The following FILIP1 variants were observed in gnomAD, a reference collection of about 807,000 sequenced individuals.
FILIP1 encodes the protein filamin A interacting protein 1, also known as filamin-A-interacting protein 1.
Under a neutral mutation model 102.1 loss-of-function variants are expected in FILIP1, and 61 were observed. That is an observed-to-expected ratio of 0.60 (90% CI 0.49 to 0.74). The LOEUF (loss-of-function observed/expected upper bound fraction) is 0.74. Among genes scored for constraint, FILIP1 ranks in the 30% least tolerant of loss-of-function variants. FILIP1 has a pLI of 0.00. For missense variants in FILIP1, 1,314 were observed against 1,441.2 expected (o/e 0.91, Z 1.43); for synonymous variants, 491 against 526.9 (o/e 0.93, Z 0.93).
chr6:75,419,203 C>T (rs1258766804), intron 1 of FILIP1, among the ~76,000 whole-genome samples: 1 of 152,122 alleles, frequency 6.6e-6, no homozygotes, highest in African/African-American at 2.4e-5. Flanking sequence ...TCTTGCAAAT[C>T]TTGACCTTGA....
At chr6:75,373,519 G>T (rs1775645235) in intron 2 of FILIP1, among the ~76,000 whole-genome samples, 1 of 151,780 alleles carries the variant, frequency 6.6e-6, no homozygotes, top group South Asian at 2.1e-4. Context: ...TGTCTAGCCT[G>T]GTCTTGAGCT....
At chr6:75,355,761 G>A (rs1774972882) in intron 3 of FILIP1, among the ~76,000 whole-genome samples, 1 of 152,144 alleles carries the variant, frequency 6.6e-6, no homozygotes, top group African/African-American at 2.4e-5. Context: ...AGTCCCTGGT[G>A]CTGAGCACAG....
intron 6 of FILIP1, among the ~76,000 whole-genome samples, chr6:75,302,480 G>A (rs1772865375): frequency 6.6e-6 from 1 of 152,136 alleles, no homozygotes; most frequent in Non-Finnish European, 1.5e-5. Flanking sequence ...AAACCCCAGG[G>A]TAGATTCTGA....
chr6:75,335,962 T>G (rs1289169236), intron 4 of FILIP1, among the ~76,000 whole-genome samples: 1 of 152,228 alleles, frequency 6.6e-6, no homozygotes, highest in Non-Finnish European at 1.5e-5. Context: ...TAGTACTAAA[T>G]AAGTGTGTTT....
intron 1 of FILIP1, among the ~76,000 whole-genome samples, chr6:75,478,553 T>C (rs1779554462): frequency 6.6e-6 from 1 of 152,166 alleles, no homozygotes; most frequent in Non-Finnish European, 1.5e-5. Context: ...CTGGTGGTGA[T>C]AGAGGCATGA....
chr6:75,440,284 G>A (rs1778168346), intron 1 of FILIP1, among the ~76,000 whole-genome samples: 2 of 152,134 alleles, frequency 1.3e-5, no homozygotes, highest in African/African-American at 4.8e-5. Flanking sequence ...CTTTTAAAAT[G>A]CTCAACTCCA....
In FILIP1 at chr6:75,441,577, C is replaced by T. The variant is rs1238719963; in HGVS notation, c.-6-26599G>A. ...GGCGGCCGGGCAGAGGCGCCCCTCT[C>T]CTCCCGGACGGGGCGGCTGGCCGGG... On this transcript the variant is annotated intron_variant, in intron 1 of 5. Coordinates refer to ENST00000237172, the MANE Select transcript of FILIP1 (RefSeq NM_015687.5). Among the ~76,000 whole-genome samples, 8 of 150,918 alleles carry T rather than the reference C, an allele frequency of 5.3e-5. No homozygotes were observed. The East Asian group carries it at 1.6e-3, about 30-fold the overall frequency.
At chr6:75,465,455 C>A in intron 1 of FILIP1, 1 of 941,158 alleles carries the variant, frequency 1.1e-6, no homozygotes, top group Non-Finnish European at 1.6e-6. Context: ...TCAATGCTAG[C>A]AAAATGGCAG....
intron 1 of FILIP1, chr6:75,458,356 T>A (rs1337949488): frequency 6.6e-6 from 1 of 152,198 alleles, no homozygotes; most frequent in African/African-American, 2.4e-5. Context: ...TTATCTAGAA[T>A]GACCTTTGAG....
intron 4 of FILIP1, among the ~76,000 whole-genome samples, chr6:75,323,033 G>A (rs1441721259): frequency 6.6e-6 from 1 of 152,170 alleles, no homozygotes; most frequent in Non-Finnish European, 1.5e-5. Flanking sequence ...TCACTTATCA[G>A]CATGTTCAGA....
intron 4 of FILIP1, among the ~76,000 whole-genome samples, chr6:75,327,988 C>T (rs1357798761): frequency 1.3e-5 from 2 of 152,138 alleles, no homozygotes; most frequent in Non-Finnish European, 2.9e-5. Context: ...CAAGGAACTG[C>T]TAAATGACCT....
chr6:75,362,958 T>A, intron 2 of FILIP1, 41 bp from the exon 3 acceptor site: 1 of 1,591,040 alleles, frequency 6.3e-7, no homozygotes, highest in Non-Finnish European at 8.6e-7. Context: ...ACTGACAATG[T>A]AAATCGCATA....
intron 1 of FILIP1, among the ~76,000 whole-genome samples, chr6:75,425,874 C>A (rs1197498354): frequency 3.9e-5 from 6 of 151,996 alleles, no homozygotes; most frequent in African/African-American, 1.2e-4. Context: ...TTGGAGTCAT[C>A]AAATACCTCT....
intron 1 of FILIP1, among the ~76,000 whole-genome samples, chr6:75,433,960 T>G (rs529814160): frequency 5.9e-5 from 9 of 152,310 alleles, no homozygotes; most frequent in South Asian, 4.1e-4. Context: ...TTTCCCCATT[T>G]CTTGTTTTTG....
At chr6:75,331,237 A>G (rs1179963427) in intron 4 of FILIP1, among the ~76,000 whole-genome samples, 1 of 152,200 alleles carries the variant, frequency 6.6e-6, no homozygotes, top group Non-Finnish European at 1.5e-5. Flanking sequence ...AATAAAAATT[A>G]AAGTCTAGGG....
At chr6:75,368,236 GAAGCTGATTCAAAAC>G (rs1217218486) in intron 2 of FILIP1, among the ~76,000 whole-genome samples, 2 of 152,166 alleles carry the variant, frequency 1.3e-5, no homozygotes, top group African/African-American at 4.8e-5. Context: ...GGCTGGATAA[GAAGCTGATTCAAAAC>G]ATGTGGGGGC....
intron 1 of FILIP1, among the ~76,000 whole-genome samples, 178 bp downstream of exon 1, chr6:75,493,236 T>C (rs1354193692): frequency 2.0e-5 from 3 of 152,246 alleles, no homozygotes; most frequent in Non-Finnish European, 4.4e-5. Flanking sequence ...GAGGAAGAGA[T>C]GATGTTTCTG....
intron 1 of FILIP1, among the ~76,000 whole-genome samples, chr6:75,426,053 C>T (rs2149701722): frequency 6.6e-6 from 1 of 151,534 alleles, no homozygotes; most frequent in African/African-American, 2.4e-5. Flanking sequence ...TATTGTAGCA[C>T]AAAAGCAGCA....
At chr6:75,423,248 T>C (rs957066119) in intron 1 of FILIP1, among the ~76,000 whole-genome samples, 5 of 152,190 alleles carry the variant, frequency 3.3e-5, no homozygotes, top group Non-Finnish European at 4.4e-5. Flanking sequence ...GGGTGCCTCC[T>C]GAGCTGAGCA....
Sources: allele counts gnomAD v4.1 joint callset (sites outside exome capture counted in the v4.1 genomes callset), GRCh38; gene constraint gnomAD v4.1.1; transcripts MANE v1.5; gene names NCBI Gene and HGNC (gene_info 2026-07-23, HGNC 2026-07-21).